ASH1L: variants seen among roughly 807,000 people sequenced by gnomAD.
The protein encoded by ASH1L is ASH1 like histone lysine methyltransferase, also known as histone-lysine N-methyltransferase ASH1L.
ASH1L carries 23 observed loss-of-function variants against 269.0 expected under a neutral mutation model. That is an observed-to-expected ratio of 0.09 (90% CI 0.06 to 0.12). ASH1L has a LOEUF of 0.12. ASH1L is among the 10% of genes least tolerant of loss of function. The pLI, the probability that ASH1L is intolerant of heterozygous loss-of-function variation, is 1.00. For missense variants in ASH1L, 2,912 were observed against 3,567.8 expected (o/e 0.82, Z 4.68); for synonymous variants, 1,187 against 1,253.5 (o/e 0.95, Z 1.12).
intron 2 of ASH1L, among the ~76,000 whole-genome samples, chr1:155,513,746 CA>C (rs1362488520): frequency 2.6e-5 from 4 of 151,994 alleles, no homozygotes; most frequent in African/African-American, 9.7e-5. Flanking sequence ...GCATTAGTCA[CA>C]ACTGTTAAAA....
At position 155,411,599 on chromosome 1, in the gene ASH1L, AT is replaced by A. The variant is rs1659803719; in HGVS notation, c.6008+4144del. Among the ~76,000 whole-genome samples, 9 of 82,830 alleles carry A rather than the reference AT, an allele frequency of 1.1e-4. 1 individual carries two copies. In the Admixed American group the frequency reaches 1.1e-3, roughly 10 times the overall value. The allele number at this position is 82,830 out of a possible 152,430, so 54.3% of individuals were successfully genotyped here. A position where few individuals can be genotyped will look rare whatever the true frequency, so the allele number is the denominator to read the frequency against. ...AATAAATAAATAAATATATATATAT[AT>A]ATATATATATATATATATGTTTTCA... On this transcript the variant is annotated intron_variant, in intron 6 of 27. Coordinates refer to ENST00000392403, the MANE Select transcript of ASH1L (RefSeq NM_018489.3).
chr1:155,409,125 A>G (rs1377449654), intron 6 of ASH1L, among the ~76,000 whole-genome samples: 1 of 152,018 alleles, frequency 6.6e-6, no homozygotes, highest in Non-Finnish European at 1.5e-5. Context: ...CCTGGGTTCA[A>G]GCGATTCTCC....
intron 1 of ASH1L, among the ~76,000 whole-genome samples, chr1:155,541,503 A>T (rs1670427537): frequency 6.6e-6 from 1 of 152,144 alleles, no homozygotes; most frequent in African/African-American, 2.4e-5. Flanking sequence ...TCACAAAAAA[A>T]TTAGAATAGC....
rs762157663 is a variant in ASH1L at position 155,370,661 on chromosome 1, G to A, written c.6540-11C>T. On this transcript the variant is annotated splice_polypyrimidine_tract_variant and intron_variant, in intron 11 of 27. Transcript: ENST00000392403. ...TCAATCATCCTGTTCCTAAAGAGAAGATAAATGATTGAAAGACAATTAAAG... is the reference window on the plus strand; with the variant it reads ...TCAATCATCCTGTTCCTAAAGAGAAAATAAATGATTGAAAGACAATTAAAG... The A allele has an allele frequency of 2.5e-6, 4 of 1,613,726 alleles. No homozygotes were observed. The highest frequency in any genetic ancestry group is 3.3e-5 in the Admixed American group (2 of 59,974).
chr1:155,522,933 C>T (rs1247126454), intron 1 of ASH1L, among the ~76,000 whole-genome samples: 2 of 152,022 alleles, frequency 1.3e-5, no homozygotes, highest in Non-Finnish European at 2.9e-5. Flanking sequence ...TCAGGTGATC[C>T]GCCTGCCTTA....
chr1:155,365,771 TCCTGAC>T lies in ASH1L; in HGVS notation c.6686+4727_6686+4732del, dbSNP rs1490702757. Among the ~76,000 whole-genome samples, 5 of 152,196 alleles carry T rather than the reference TCCTGAC, an allele frequency of 3.3e-5. 1 individual carries two copies. The highest frequency in any genetic ancestry group is 6.3e-3 in the Middle Eastern group (2 of 316). On this transcript the variant is annotated intron_variant, in intron 12 of 27. Coordinates refer to ENST00000392403, the MANE Select transcript of ASH1L (RefSeq NM_018489.3). ...TTTCCACAAAGTCCCTGTATAGGGT[TCCTGAC>T]CCGTGATATCACCTTTTGTCAGAAC...
At chr1:155,395,741 G>A (rs1658291154) in intron 6 of ASH1L, among the ~76,000 whole-genome samples, 188 bp from the exon 7 acceptor site, 1 of 152,084 alleles carries the variant, frequency 6.6e-6, no homozygotes, top group South Asian at 2.1e-4. Context: ...GTTCACGCCT[G>A]TAATCCCAAT....
At chr1:155,380,908 G>A (rs1319919196) in intron 7 of ASH1L, among the ~76,000 whole-genome samples, 1 of 151,706 alleles carries the variant, frequency 6.6e-6, no homozygotes, top group Non-Finnish European at 1.5e-5. Flanking sequence ...CCAAAGTGCT[G>A]GGATTACAGG....
chr1:155,412,053 G>A (rs1659853861), intron 6 of ASH1L, among the ~76,000 whole-genome samples: 1 of 151,844 alleles, frequency 6.6e-6, no homozygotes. Context: ...ACCAGACTGG[G>A]CAACATGGTG....
intron 12 of ASH1L, among the ~76,000 whole-genome samples, chr1:155,363,416 G>C (rs2148393705): frequency 6.6e-6 from 1 of 151,656 alleles, no homozygotes; most frequent in South Asian, 2.1e-4. Flanking sequence ...GCTAATTTTT[G>C]TATTTTTAGT....
chr1:155,421,561 C>A (rs1342668440), intron 5 of ASH1L, among the ~76,000 whole-genome samples: 1 of 150,998 alleles, frequency 6.6e-6, no homozygotes, highest in African/African-American at 2.4e-5. Context: ...GTCCCAGCTA[C>A]TCGGGAGGCT....
intron 1 of ASH1L, among the ~76,000 whole-genome samples, chr1:155,535,247 T>A (rs75212767): frequency 1.3e-5 from 2 of 151,632 alleles, no homozygotes; most frequent in South Asian, 2.1e-4. Context: ...TTTTTTTTTT[T>A]AAGACTGGGT....
At chr1:155,361,415 G>T (rs1187456257) in intron 12 of ASH1L, among the ~76,000 whole-genome samples, 1 of 150,978 alleles carries the variant, frequency 6.6e-6, no homozygotes, top group Non-Finnish European at 1.5e-5. Context: ...TACTTAGGAG[G>T]TTGAGGCAGG....
At chr1:155,363,400 C>T (rs868548522) in intron 12 of ASH1L, among the ~76,000 whole-genome samples, 34 of 151,978 alleles carry the variant, frequency 2.2e-4, no homozygotes, top group Middle Eastern at 3.4e-3. Context: ...CTCGCCACCA[C>T]GACTAGCTAA....
At chr1:155,459,707 C>T in intron 4 of ASH1L, 90 bp downstream of exon 4, 4 of 974,152 alleles carry the variant, frequency 4.1e-6, no homozygotes, top group Non-Finnish European at 6.4e-6. Context: ...ATACAGTCCC[C>T]ATTATTTTTT....
intron 6 of ASH1L, among the ~76,000 whole-genome samples, chr1:155,397,681 G>T (rs1658479522): frequency 6.6e-6 from 1 of 152,064 alleles, no homozygotes; most frequent in African/African-American, 2.4e-5. Context: ...CTCCCGAGTA[G>T]CTGGGATTAC....
At chr1:155,550,081 C>A (rs771320541) in intron 1 of ASH1L, among the ~76,000 whole-genome samples, 1 of 151,898 alleles carries the variant, frequency 6.6e-6, no homozygotes, top group African/African-American at 2.4e-5. Flanking sequence ...AGTGCCGTGG[C>A]GTAATCTCAG....
chr1:155,352,984 A>G (rs572469236), intron 16 of ASH1L, 126 bp from the exon 17 acceptor site: 1 of 816,308 alleles, frequency 1.2e-6, no homozygotes, highest in African/African-American at 1.8e-5. Context: ...TAGTGGGCAC[A>G]GAGTTCTTTC....
At position 155,343,916 on chromosome 1, in the gene ASH1L, T is replaced by A. The variant is rs1477165600; in HGVS notation, c.7982-174A>T. 6.6e-6 allele frequency among the ~76,000 whole-genome samples: 1 copy of A among 152,194 alleles called. No homozygotes were observed. Among genetic ancestry groups the A allele is most frequent in the Non-Finnish European group, 1.5e-5 (1 of 68,034 alleles). ...GATAATCAATTCTAGACTATGACAATAATATAAGGGAGGCATTCCATTTCT... is the reference window on the plus strand; with the variant it reads ...GATAATCAATTCTAGACTATGACAAAAATATAAGGGAGGCATTCCATTTCT... On this transcript the variant is annotated intron_variant, in intron 22 of 27. Coordinates refer to ENST00000392403, the MANE Select transcript of ASH1L (RefSeq NM_018489.3). This position sits in a 1 kb window ranked among gnomAD's most constrained non-coding sequence, Gnocchi z 6.1.
Sources: gnomAD v4.1 joint callset for allele counts (sites outside exome capture counted in the v4.1 genomes callset) on GRCh38, gnomAD v4.1.1 for gene constraint, Gnocchi (gnomAD v3.1) non-coding constraint, MANE v1.5 for transcripts, NCBI Gene and HGNC (gene_info 2026-07-23, HGNC 2026-07-21) for gene names.